Variants in RGS20 observed in about 807,000 individuals in gnomAD.
The protein encoded by RGS20 is gz-selective GTPase-activating protein.
A neutral mutation model predicts 33.6 loss-of-function variants in RGS20; 30 were observed. The ratio of observed to expected loss-of-function variants is 0.89; its 90% CI spans 0.67 to 1.21. RGS20 has a LOEUF of 1.21. Among genes scored for constraint, RGS20 ranks in the 50% most tolerant of loss-of-function variants. The pLI is 0.00. For synonymous variants in RGS20, 208 were observed against 197.9 expected (o/e 1.05, Z -0.43); for missense variants, 472 against 502.4 (o/e 0.94, Z 0.58).
intron 2 of RGS20, among the ~76,000 whole-genome samples, chr8:53,896,750 TA>T (rs1812874260): frequency 6.6e-6 from 1 of 152,172 alleles, no homozygotes; most frequent in African/African-American, 2.4e-5. Flanking sequence ...ATTTTCATAT[TA>T]ACAGGAAAAC....
At chr8:53,883,147 ATCTT>A (rs567084228) in intron 2 of RGS20, among the ~76,000 whole-genome samples, 87 of 146,108 alleles carry the variant, frequency 6.0e-4, no homozygotes, top group Non-Finnish European at 9.5e-4. Flanking sequence ...GTTAAGTGAC[ATCTT>A]TCTTTCTTTT....
intron 2 of RGS20, among the ~76,000 whole-genome samples, chr8:53,891,752 A>G (rs1280697490): frequency 6.6e-6 from 1 of 151,960 alleles, no homozygotes; most frequent in East Asian, 1.9e-4. Flanking sequence ...AAAATTTGCC[A>G]TTTGTGAGTG....
intron 1 of RGS20, among the ~76,000 whole-genome samples, chr8:53,852,936 A>G (rs1811598251): frequency 6.6e-6 from 1 of 150,540 alleles, no homozygotes; most frequent in African/African-American, 2.5e-5. Context: ...GTGGAGGGGA[A>G]AAAAAAAATA....
intron 3 of RGS20, among the ~76,000 whole-genome samples, chr8:53,943,489 G>A (rs1391086870): frequency 6.6e-6 from 1 of 152,096 alleles, no homozygotes; most frequent in Non-Finnish European, 1.5e-5. Flanking sequence ...ATCTGGCCAT[G>A]GGTCTTCTTT....
In RGS20 at chr8:53,947,858, C is replaced by CTATATATAGGATATAGTATATAT. The variant is rs1563430763; in HGVS notation, c.743+1110_743+1111insTATATATAGGATATAGTATATAT. ...TGCTATATATAGGATATAGTATATA[C>CTATATATAGGATATAGTATATAT]ATTTATATATGCTATATATAAGATG... On this transcript the variant is annotated intron_variant, in intron 4 of 5. Transcript: ENST00000297313. Among the ~76,000 whole-genome samples, 59 of 133,380 alleles carry CTATATATAGGATATAGTATATAT rather than the reference C, an allele frequency of 4.4e-4. 1 individual carries two copies. The highest frequency in any genetic ancestry group is 1.4e-3 in the African/African-American group (52 of 36,146). 87.5% of individuals were successfully genotyped at this position (133,380 alleles called of 152,430 possible). A position where few individuals can be genotyped will look rare whatever the true frequency, so the allele number is the denominator to read the frequency against.
At chr8:53,897,418 G>T (rs1306403778) in intron 2 of RGS20, among the ~76,000 whole-genome samples, 5 of 152,166 alleles carry the variant, frequency 3.3e-5, no homozygotes, top group Non-Finnish European at 7.4e-5. Flanking sequence ...TAATTTAGGG[G>T]CAATGGTAGG....
chr8:53,911,766 C>T, intron 2 of RGS20, among the ~76,000 whole-genome samples: 1 of 151,984 alleles, frequency 6.6e-6, no homozygotes, highest in East Asian at 1.9e-4. Context: ...TGGTGAAACC[C>T]CATCTCTACT....
chr8:53,934,981 G>C (rs1453500937), intron 2 of RGS20, among the ~76,000 whole-genome samples: 1 of 152,180 alleles, frequency 6.6e-6, no homozygotes, highest in Non-Finnish European at 1.5e-5. Flanking sequence ...CAACTGCATG[G>C]AAACTGAACA....
At chr8:53,934,015 A>T (rs1371124618) in intron 2 of RGS20, among the ~76,000 whole-genome samples, 1 of 152,260 alleles carries the variant, frequency 6.6e-6, no homozygotes, top group African/African-American at 2.4e-5. Context: ...ACTATGCTTC[A>T]TAAGCAAAGG....
intron 2 of RGS20, among the ~76,000 whole-genome samples, chr8:53,936,203 G>A (rs185424296): frequency 5.9e-5 from 9 of 152,170 alleles, no homozygotes; most frequent in East Asian, 5.8e-4. Context: ...CAAGAATGCC[G>A]TCTCTTACCA....
At chr8:53,875,207 G>A (rs1812173214) in intron 1 of RGS20, among the ~76,000 whole-genome samples, 1 of 152,042 alleles carries the variant, frequency 6.6e-6, no homozygotes, top group South Asian at 2.1e-4. Context: ...CAAGGTGGGA[G>A]GATTACATGA....
At chr8:53,918,830 A>G (rs1813568859) in intron 2 of RGS20, among the ~76,000 whole-genome samples, 1 of 152,116 alleles carries the variant, frequency 6.6e-6, no homozygotes, top group Non-Finnish European at 1.5e-5. Context: ...GTGTTTTTCC[A>G]CTTTGTGACC....
chr8:53,885,130 G>A (rs989541433), intron 2 of RGS20, among the ~76,000 whole-genome samples: 1 of 152,234 alleles, frequency 6.6e-6, no homozygotes, highest in Non-Finnish European at 1.5e-5. Context: ...ACTAGCGAGA[G>A]TAAAAGAGAA....
At chr8:53,928,575 A>G (rs1000362856) in intron 2 of RGS20, among the ~76,000 whole-genome samples, 2 of 152,140 alleles carry the variant, frequency 1.3e-5, no homozygotes, top group Admixed American at 6.6e-5. Context: ...TGGAATCCCA[A>G]CACTTTGGGA....
intron 3 of RGS20, among the ~76,000 whole-genome samples, chr8:53,940,616 T>C (rs1309338885): frequency 6.6e-6 from 1 of 152,208 alleles, no homozygotes; most frequent in Non-Finnish European, 1.5e-5. Flanking sequence ...GGAAGTTTGG[T>C]GGCTCCTGCC....
chr8:53,941,842 C>T (rs973911495), intron 3 of RGS20, among the ~76,000 whole-genome samples: 1 of 152,114 alleles, frequency 6.6e-6, no homozygotes, highest in East Asian at 1.9e-4. Context: ...AGTTTTAGCA[C>T]TGAAAGGTCC....
At chr8:53,903,941 GAGA>G (rs1813097942) in intron 2 of RGS20, among the ~76,000 whole-genome samples, 1 of 152,104 alleles carries the variant, frequency 6.6e-6, no homozygotes, top group African/African-American at 2.4e-5. Flanking sequence ...ATATCACGTG[GAGA>G]AGAACAGGGC....
At position 53,879,426 on chromosome 8, in the gene RGS20, C is replaced by T. The variant is rs1812289208; in HGVS notation, c.334C>T (p.Pro112Ser). The change falls in exon 2 of 6, where the codon CCG becomes TCG. Residue 112 changes from proline to serine, a missense_variant. Transcript: ENST00000297313. Reference sequence around the variant, plus strand: ...CTTCTCCCCCCTGCTTCCCGCCCTGCCGGCCGCCCGGCTCTCGAGGGGGCA... The same window carrying T: ...CTTCTCCCCCCTGCTTCCCGCCCTGTCGGCCGCCCGGCTCTCGAGGGGGCA... The T allele has an allele frequency of 1.9e-6, 3 of 1,606,580 alleles. No homozygotes were observed. Among genetic ancestry groups the T allele is most frequent in the Non-Finnish European group, 2.5e-6 (3 of 1,177,254 alleles).
intron 2 of RGS20, among the ~76,000 whole-genome samples, chr8:53,936,301 G>C (rs1016425833): frequency 3.9e-5 from 6 of 152,154 alleles, no homozygotes; most frequent in Non-Finnish European, 7.3e-5. Context: ...AAGAGAGAGA[G>C]TCAAATTATC....
Sources: allele counts gnomAD v4.1 joint callset (sites outside exome capture counted in the v4.1 genomes callset), GRCh38; gene constraint gnomAD v4.1.1; transcripts MANE v1.5; gene names NCBI Gene and HGNC (gene_info 2026-07-23, HGNC 2026-07-21).